The following DNASE1L1 variants were observed in gnomAD, a reference collection of about 807,000 sequenced individuals.
The protein encoded by DNASE1L1 is deoxyribonuclease-1-like 1.
Under a neutral mutation model 18.6 loss-of-function variants are expected in DNASE1L1, and 8 were observed. That is an observed-to-expected ratio of 0.43 (90% CI 0.25 to 0.78). The LOEUF (loss-of-function observed/expected upper bound fraction) is 0.78, where lower values mean the gene tolerates loss of function less well. DNASE1L1 is among the 30% of genes least tolerant of loss of function. The pLI, the probability that DNASE1L1 is intolerant of heterozygous loss-of-function variation, is 0.23. For missense variants in DNASE1L1, 214 were observed against 258.2 expected, an observed-to-expected ratio of 0.83 and a Z score of 1.17; for synonymous variants, 114 against 114.2, an observed-to-expected ratio of 1.00 and a Z score of 0.01.
chrX:154,404,839 C>T lies in DNASE1L1; in HGVS notation c.300G>A (p.Val100=), dbSNP rs1037764196. The change falls in exon 4 of 8, where the codon GTG becomes GTA. Residue 100 remains valine (V), a synonymous_variant. Transcript: ENST00000369807. The stretch of plus-strand genomic sequence containing the variant: ...AGCTCCGTGCTCACCGATAGAAGTA[C>T]ACATACGTCTCCATGTAGGTGCTGC... ...LGRSTYMETY[V]YFYRSHKTQV... 1.5e-5 allele frequency: 18 copies of T among 1,209,959 alleles called. No homozygotes were observed. Among genetic ancestry groups the T allele is most frequent in the Middle Eastern group, 2.3e-4 (1 of 4,369 alleles).
chrX:154,411,770 C>T, upstream of DNASE1L1: 3 of 989,706 alleles, frequency 3.0e-6, no homozygotes, highest in Non-Finnish European at 4.1e-6. Context: ...CTCGAGCGGT[C>T]GAGGTCGCAG....
chrX:154,401,462 C>G lies in DNASE1L1; in HGVS notation c.*1245G>C, dbSNP rs782033311. 23 of 132,104 alleles carry G rather than the reference C, an allele frequency of 1.7e-4. No homozygotes were observed. The highest frequency in any genetic ancestry group is 3.2e-4 in the Non-Finnish European group (21 of 64,911). 10.9% of individuals were successfully genotyped at this position (132,104 alleles called of 1,213,427 possible). A position where few individuals can be genotyped will look rare whatever the true frequency, so the allele number is the denominator to read the frequency against. ...ATTCCCAGGGCCTTCACCACCTGACCAAAGGTCTAGGCTAACCTTTGGTCA... is the reference window on the plus strand; with the variant it reads ...ATTCCCAGGGCCTTCACCACCTGACGAAAGGTCTAGGCTAACCTTTGGTCA... On this transcript the variant is annotated 3_prime_UTR_variant, in exon 8 of 8. Transcript: ENST00000369807.
intron 4 of DNASE1L1, 70 bp from the exon 5 acceptor site, chrX:154,403,692 G>A (rs2068092983): frequency 3.3e-6 from 3 of 916,357 alleles, no homozygotes; most frequent in Admixed American, 2.4e-5. Flanking sequence ...GCCAAACGGC[G>A]CTCAGGGAGG....
In DNASE1L1 at chrX:154,403,459, C is replaced by T. The variant is rs782257998; in HGVS notation, c.412+63G>A. The T allele has an allele frequency of 5.2e-5, 62 of 1,189,695 alleles. No homozygotes were observed. The African/African-American group carries it at 8.6e-4, about 17-fold the overall frequency. On this transcript the variant is annotated intron_variant, in intron 5 of 7. Transcript: ENST00000369807. Reference sequence around the variant, plus strand: ...TAGCCCGTCTGGGTGAGGAAGCCCCCAGTGGAGCCAGCCAGAACTCCCCTT... The same window carrying T: ...TAGCCCGTCTGGGTGAGGAAGCCCCTAGTGGAGCCAGCCAGAACTCCCCTT...
intron 4 of DNASE1L1, 105 bp downstream of exon 4, chrX:154,404,723 C>T (rs2068115151): frequency 1.3e-6 from 1 of 747,517 alleles, no homozygotes; most frequent in South Asian, 2.7e-5. Context: ...GCAGGTGAGG[C>T]TGTCCCAGGA....
At chrX:154,407,401 C>A (rs1483719737) in intron 1 of DNASE1L1, among the ~76,000 whole-genome samples, 2 of 103,522 alleles carry the variant, frequency 1.9e-5, no homozygotes, top group African/African-American at 3.5e-5. Context: ...CCACGCCCAG[C>A]TAATTTTTAT....
chrX:154,411,685 G>A (rs1029501062), upstream of DNASE1L1: 102 of 530,161 alleles, frequency 1.9e-4, no homozygotes, highest in Non-Finnish European at 3.1e-4. Context: ...CCTGACCTGC[G>A]AAGGGACCTC....
intron 1 of DNASE1L1, among the ~76,000 whole-genome samples, chrX:154,408,131 C>T (rs1557188934): frequency 9.1e-6 from 1 of 109,563 alleles, no homozygotes; most frequent in Non-Finnish European, 1.9e-5. Flanking sequence ...CAGGGTTTCA[C>T]CATGTTGGCC....
Position 154,401,757 on chromosome X carries a change from C to G in DNASE1L1, c.*950G>C, listed in dbSNP as rs138357345. On this transcript the variant is annotated 3_prime_UTR_variant, in exon 8 of 8. Transcript: ENST00000369807. ...TTGTAATCTCAGTTTACAGCCATTT[C>G]TTAGGTTTTTAATTACCTTTATTTT... is the stretch of plus-strand genomic sequence containing the variant. 2 of 111,857 alleles carry G rather than the reference C, an allele frequency of 1.8e-5. No homozygotes were observed. The highest frequency in any genetic ancestry group is 5.5e-4 in the East Asian group (2 of 3,610). The allele number at this position is 111,857 out of a possible 1,213,427, so 9.2% of individuals were successfully genotyped here.
chrX:154,403,106 G>T lies in DNASE1L1; in HGVS notation c.610C>A (p.Pro204Thr), dbSNP rs1175773755. 2 of 1,210,365 alleles carry T rather than the reference G, an allele frequency of 1.7e-6. No homozygotes were observed. The highest frequency in any genetic ancestry group is 1.7e-5 in the African/African-American group (1 of 57,343). The change falls in exon 7 of 8, where the codon CCA becomes ACA. Residue 204 changes from proline (P) to threonine (T), a missense_variant. By Grantham distance (38) the Pro-to-Thr change is conservative. Transcript: ENST00000369807. ...RLDKLELRTE[P>T]GFHWVIADGE... ...TCGGCAATCACCCAGTGGAAGCCTG[G>T]CTCAGTCCGCAGCTCCAGCTTGTCC...
Position 154,402,438 on chromosome X carries a change from C to CGGGCTGGATGGA in DNASE1L1, c.*268_*269insTCCATCCAGCCC. The CGGGCTGGATGGA allele has an allele frequency of 6.2e-6, 2 of 320,607 alleles. No individual in the cohort carries two copies. Among genetic ancestry groups the CGGGCTGGATGGA allele is most frequent in the Non-Finnish European group, 1.1e-5 (2 of 183,759 alleles). 26.4% of individuals were successfully genotyped at this position (320,607 alleles called of 1,213,427 possible). A position where few individuals can be genotyped will look rare whatever the true frequency, so the allele number is the denominator to read the frequency against. The stretch of plus-strand genomic sequence containing the variant: ...ATTCCTCTTTCTGAACCCTCCCTTC[C>CGGGCTGGATGGA]CCTACCCCAACCCAGAGCCCACTTT... On this transcript the variant is annotated 3_prime_UTR_variant, in exon 8 of 8. Transcript: ENST00000369807.
rs12877 is a variant in DNASE1L1, at chrX:154,401,914, C to G, written c.*793G>C. ...CCAGCCAGTGTTTTTCCTGACCTCT[C>G]TTCTTTGGAGAGGAGGATGGAAGGG... On this transcript the variant is annotated 3_prime_UTR_variant, in exon 8 of 8. Transcript: ENST00000369807. The G allele has an allele frequency of 0.3, 33,902 of 111,203 alleles. 7,242 individuals are homozygous for G. The highest frequency in any genetic ancestry group is 0.77 in the African/African-American group (23,436 of 30,381). The allele number at this position is 111,203 out of a possible 1,213,427, so 9.2% of individuals were successfully genotyped here.
At chrX:154,411,341 C>G (rs1405357317), upstream of DNASE1L1, among the ~76,000 whole-genome samples, 1 of 112,145 alleles carries the variant, frequency 8.9e-6, no homozygotes, top group African/African-American at 3.2e-5. Context: ...GCACTCCAGC[C>G]TGGGTCTGGC....
At chrX:154,411,891 C>G (rs397515743), upstream of DNASE1L1, 5 of 1,205,714 alleles carry the variant, frequency 4.1e-6, no homozygotes, top group African/African-American at 8.7e-5. Context: ...CGCCGCTCAC[C>G]TGGACCCTGG....
upstream of DNASE1L1, among the ~76,000 whole-genome samples, chrX:154,411,314 G>A (rs1390782558): frequency 6.2e-5 from 7 of 112,001 alleles, no homozygotes; most frequent in Admixed American, 4.7e-4. Flanking sequence ...GCTGCAGTGA[G>A]CCATGATCCC....
In DNASE1L1 at chrX:154,405,324, C is replaced by T. The variant is rs1223748074; in HGVS notation, c.135+110G>A. ...AAGCGCCTGCGCTGCATCTCCGTGC[C>T]ACACCTCTTCTTCTCCCCTCTTCTC... On this transcript the variant is annotated intron_variant, in intron 2 of 7. Coordinates refer to ENST00000369807, the MANE Select transcript of DNASE1L1 (RefSeq NM_001303620.2). 42 of 1,100,635 alleles carry T rather than the reference C, an allele frequency of 3.8e-5. No individual in the cohort carries two copies. The African/African-American group carries it at 7.8e-4, about 20-fold the overall frequency. The allele number at this position is 1,100,635 out of a possible 1,213,427, so 90.7% of individuals were successfully genotyped here.
chrX:154,411,819 A>G, upstream of DNASE1L1: 1 of 1,155,857 alleles, frequency 8.7e-7, no homozygotes, highest in Non-Finnish European at 1.1e-6. Context: ...GGGCGCTGGG[A>G]GCGCCGGCCG....
chrX:154,405,788 T>A, intron 1 of DNASE1L1, 133 bp from the exon 2 acceptor site: 1 of 268,079 alleles, frequency 3.7e-6, no homozygotes, highest in Non-Finnish European at 6.6e-6. Context: ...AAAAAATTGT[T>A]TTTGAGACAG....
chrX:154,412,021 G>T (rs782506570), upstream of DNASE1L1: 12 of 1,204,529 alleles, frequency 1.0e-5, no homozygotes, highest in Non-Finnish European at 1.3e-5. Flanking sequence ...GACTTAGGGT[G>T]GGGGACGCCG....
Sources: allele counts gnomAD v4.1 joint callset (sites outside exome capture counted in the v4.1 genomes callset), GRCh38; gene constraint gnomAD v4.1.1; transcripts MANE v1.5; gene names NCBI Gene and HGNC (gene_info 2026-07-23, HGNC 2026-07-21).